Variants in AFF2 observed in about 807,000 individuals in gnomAD.
The protein encoded by AFF2 is AF4/FMR2 family member 2.
Under a neutral mutation model 76.9 loss-of-function variants are expected in AFF2, and 14 were observed. The ratio of observed to expected loss-of-function variants is 0.18; its 90% confidence interval spans 0.12 to 0.28. The LOEUF (loss-of-function observed/expected upper bound fraction) is 0.28, where lower values mean the gene tolerates loss of function less well. AFF2 is among the 10% of genes least tolerant of loss of function. The probability of loss-of-function intolerance (pLI) is 1.00; values close to 1 mark genes in which losing one functional copy is unlikely to be tolerated. For missense variants in AFF2, 868 were observed against 1,001.1 expected, an observed-to-expected ratio of 0.87 and a Z score of 1.79; for synonymous variants, 398 against 366.7, an observed-to-expected ratio of 1.09 and a Z score of -0.98.
At chrX:148,745,368 G>C (rs2055408351) in intron 3 of AFF2, among the ~76,000 whole-genome samples, 1 of 111,731 alleles carries the variant, frequency 9.0e-6, no homozygotes, top group African/African-American at 3.3e-5. Flanking sequence ...TGGGGAAGTA[G>C]AAAACATTTT....
At chrX:148,831,801 C>A (rs73607906) in intron 4 of AFF2, among the ~76,000 whole-genome samples, 1,838 of 112,217 alleles carry the variant, frequency 0.016, 36 homozygotes, top group African/African-American at 0.057. Context: ...CTTCATTCCC[C>A]CTTTTCTGGC....
intron 4 of AFF2, among the ~76,000 whole-genome samples, chrX:148,825,052 C>CCA (rs1276395834): frequency 2.7e-5 from 3 of 109,785 alleles, no homozygotes; most frequent in East Asian, 2.9e-4. Context: ...ATCTCTAAAA[C>CCA]CACACACACA....
At chrX:148,811,097 C>A (rs910395209) in intron 4 of AFF2, among the ~76,000 whole-genome samples, 21 of 111,657 alleles carry the variant, frequency 1.9e-4, no homozygotes, top group Non-Finnish European at 3.8e-5. Context: ...CCAGTCATAT[C>A]ACTTTGATCA....
chrX:148,761,577 T>G (rs1402682780), intron 3 of AFF2, among the ~76,000 whole-genome samples: 1 of 110,176 alleles, frequency 9.1e-6, no homozygotes, highest in African/African-American at 3.3e-5. Context: ...TGATTAGCTC[T>G]TTAGACTGCA....
rs988355441 is a variant in AFF2 at position 148,934,658 on chromosome X, G to A, written c.1398-18922G>A. ...CGAACCTTGATGCAAGTTGCTTAAC[G>A]CCTCTACACCTCAGTTGCTCACCTG... On this transcript the variant is annotated intron_variant, in intron 9 of 20. Transcript: ENST00000370460. 3.6e-5 allele frequency among the ~76,000 whole-genome samples: 4 copies of A among 111,803 alleles called. No homozygotes were observed. The South Asian group carries it at 1.5e-3, about 42-fold the overall frequency.
rs782599050 is a variant in AFF2, at chrX:148,992,565, A to G, written c.*1233A>G. ...GTCCATATTATTGTGAATCATTTCC[A>G]TGAAAATTTCTAAGAAAACTCCAAA... is the stretch of plus-strand genomic sequence containing the variant. On this transcript the variant is annotated 3_prime_UTR_variant, in exon 21 of 21. Transcript: ENST00000370460. 1.8e-5 allele frequency: 2 copies of G among 112,136 alleles called. No homozygotes were observed. The highest frequency in any genetic ancestry group is 3.8e-5 in the Non-Finnish European group (2 of 53,244). The allele number at this position is 112,136 out of a possible 1,213,427, so 9.2% of individuals were successfully genotyped here. A position where few individuals can be genotyped will look rare whatever the true frequency, so the allele number is the denominator to read the frequency against.
intron 1 of AFF2, among the ~76,000 whole-genome samples, chrX:148,505,917 AAG>A (rs2052408455): frequency 9.1e-6 from 1 of 110,265 alleles, no homozygotes; most frequent in African/African-American, 3.3e-5. Context: ...TAAAGAACTC[AAG>A]ACCAAACTTG....
chrX:148,775,068 A>G (rs1052596459), intron 3 of AFF2, among the ~76,000 whole-genome samples: 1 of 112,002 alleles, frequency 8.9e-6, no homozygotes, highest in African/African-American at 3.2e-5. Flanking sequence ...GAAAAGCTCT[A>G]CAAAGTAGTA....
intron 1 of AFF2, among the ~76,000 whole-genome samples, chrX:148,632,004 C>T (rs1442465490): frequency 2.7e-5 from 3 of 111,680 alleles, no homozygotes; most frequent in Non-Finnish European, 5.6e-5. Context: ...TAAAAGCCTA[C>T]CTTTGTGAGA....
intron 7 of AFF2, among the ~76,000 whole-genome samples, chrX:148,868,665 G>A (rs1160132275): frequency 8.9e-6 from 1 of 112,340 alleles, no homozygotes; most frequent in Non-Finnish European, 1.9e-5. Flanking sequence ...AGACTGGGTA[G>A]TTTATAAAGA....
At chrX:148,682,277 T>G in intron 3 of AFF2, among the ~76,000 whole-genome samples, 1 of 112,115 alleles carries the variant, frequency 8.9e-6, no homozygotes, top group Non-Finnish European at 1.9e-5. Context: ...GCAGTTATTT[T>G]CTCCAAAATA....
chrX:148,505,704 C>A (rs1446443197), intron 1 of AFF2, among the ~76,000 whole-genome samples: 1 of 111,606 alleles, frequency 9.0e-6, no homozygotes, highest in African/African-American at 3.3e-5. Flanking sequence ...AGAGCTGTGG[C>A]CTTAAGAGCT....
chrX:148,658,597 A>G (rs1557257412), intron 2 of AFF2, among the ~76,000 whole-genome samples: 12 of 112,518 alleles, frequency 1.1e-4, no homozygotes, highest in Non-Finnish European at 3.8e-5. Flanking sequence ...TGAGGCCCCA[A>G]AAAGTGTTAC....
chrX:148,725,331 G>A (rs1309215112), intron 3 of AFF2, among the ~76,000 whole-genome samples: 1 of 110,880 alleles, frequency 9.0e-6, no homozygotes, highest in East Asian at 2.9e-4. Context: ...TTTCCTGGGA[G>A]GTGGAGTGGG....
chrX:148,581,129 G>A (rs1372788364), intron 1 of AFF2, among the ~76,000 whole-genome samples: 9 of 37,531 alleles, frequency 2.4e-4, no homozygotes, highest in Admixed American at 3.9e-4. Context: ...ACACATATAC[G>A]TATACGTATA....
intron 1 of AFF2, among the ~76,000 whole-genome samples, chrX:148,537,831 C>A (rs1337423228): frequency 8.9e-6 from 1 of 111,791 alleles, no homozygotes; most frequent in Admixed American, 9.5e-5. Flanking sequence ...AGGTAAAAGG[C>A]AGTGGGTTAG....
At chrX:148,604,778 A>T (rs1489526337) in intron 1 of AFF2, among the ~76,000 whole-genome samples, 1 of 111,660 alleles carries the variant, frequency 9.0e-6, no homozygotes, top group African/African-American at 3.2e-5. Flanking sequence ...AAGAAAGCAA[A>T]AAGAAGGAAT....
At chrX:148,552,277 CAG>C (rs1221574448) in intron 1 of AFF2, among the ~76,000 whole-genome samples, 3 of 112,091 alleles carry the variant, frequency 2.7e-5, no homozygotes, top group Non-Finnish European at 5.6e-5. Flanking sequence ...CTTTAACTCA[CAG>C]AGAGTGATGG....
In AFF2 at chrX:148,534,151, A is replaced by G. The variant is rs537945441; in HGVS notation, c.47+33007A>G. 5.6e-4 allele frequency among the ~76,000 whole-genome samples: 63 copies of G among 112,151 alleles called. No homozygotes were observed. In the South Asian group the frequency reaches 0.023, roughly 40 times the overall value. ...AAATGATTCAAATAGAATTCTACCT[A>G]TAGCAAAACAATGGAAGCTGTACAT... On this transcript the variant is annotated intron_variant, in intron 1 of 20. Transcript: ENST00000370460.
Sources: gnomAD v4.1 joint callset for allele counts (sites outside exome capture counted in the v4.1 genomes callset) on GRCh38, gnomAD v4.1.1 for gene constraint, MANE v1.5 for transcripts, NCBI Gene and HGNC (gene_info 2026-07-23, HGNC 2026-07-21) for gene names.